ERBB4: variants seen among roughly 807,000 people sequenced by gnomAD.
The protein encoded by ERBB4 is erb-b2 receptor tyrosine kinase 4, also known as receptor tyrosine-protein kinase erbB-4.
Under a neutral mutation model 158.0 loss-of-function variants are expected in ERBB4, and 42 were observed. That is an observed-to-expected ratio of 0.27 (90% CI 0.21 to 0.34). The LOEUF (loss-of-function observed/expected upper bound fraction) is 0.34. ERBB4 is among the 10% of genes least tolerant of loss of function. The pLI is 1.00. For missense variants in ERBB4, 1,333 were observed against 1,624.1 expected (o/e 0.82, Z 3.08); for synonymous variants, 583 against 558.7 (o/e 1.04, Z -0.61).
chr2:211,761,806 T>C (rs2075422051), intron 4 of ERBB4, among the ~76,000 whole-genome samples: 1 of 152,198 alleles, frequency 6.6e-6, no homozygotes, highest in African/African-American at 2.4e-5. Flanking sequence ...CACTTACTTC[T>C]CTAAGTGTTC....
intron 1 of ERBB4, among the ~76,000 whole-genome samples, chr2:212,343,468 T>A (rs776391423): frequency 6.6e-6 from 1 of 152,184 alleles, no homozygotes; most frequent in Non-Finnish European, 1.5e-5. Flanking sequence ...AAGGATGCTA[T>A]AAATCACTAC....
chr2:212,058,372 C>T (rs1233666777), intron 2 of ERBB4, among the ~76,000 whole-genome samples: 3 of 151,860 alleles, frequency 2.0e-5, no homozygotes, highest in Non-Finnish European at 4.4e-5. Flanking sequence ...CAAGGAGGAA[C>T]TCATACCATT....
chr2:212,354,422 AT>A (rs1308133131), intron 1 of ERBB4, among the ~76,000 whole-genome samples: 1 of 152,066 alleles, frequency 6.6e-6, no homozygotes, highest in Non-Finnish European at 1.5e-5. Flanking sequence ...GCAAATGTAA[AT>A]TTCTAGATCT....
intron 20 of ERBB4, among the ~76,000 whole-genome samples, chr2:211,465,379 A>C (rs544491194): frequency 6.6e-6 from 1 of 150,604 alleles, no homozygotes; most frequent in South Asian, 2.1e-4. Flanking sequence ...TTAAGACCTA[A>C]GTTTTGGGAT....
At chr2:212,411,010 A>G (rs1018656321) in intron 1 of ERBB4, among the ~76,000 whole-genome samples, 1 of 150,952 alleles carries the variant, frequency 6.6e-6, no homozygotes, top group Non-Finnish European at 1.5e-5. Context: ...ATTTAGATAA[A>G]TTAAAACATT....
intron 4 of ERBB4, 102 bp from the exon 5 acceptor site, chr2:211,750,806 ATT>A: frequency 1.0e-6 from 1 of 998,936 alleles, no homozygotes; most frequent in South Asian, 1.3e-5. Context: ...CTTTATGAGG[ATT>A]TTTATGTCAT....
chr2:211,414,991 A>T (rs561786045), intron 25 of ERBB4, among the ~76,000 whole-genome samples: 3 of 151,820 alleles, frequency 2.0e-5, no homozygotes, highest in South Asian at 4.2e-4. Flanking sequence ...TATAGTGAGC[A>T]TTCAGTAAGT....
At chr2:211,513,010 T>A (rs73073139) in intron 20 of ERBB4, among the ~76,000 whole-genome samples, 6,043 of 152,166 alleles carry the variant, frequency 0.04, 389 homozygotes, top group African/African-American at 0.14. Flanking sequence ...GACAGTATTC[T>A]GATTTGAGCA....
intron 1 of ERBB4, among the ~76,000 whole-genome samples, chr2:212,287,362 G>A (rs2086030396): frequency 6.6e-6 from 1 of 152,164 alleles, no homozygotes; most frequent in African/African-American, 2.4e-5. Flanking sequence ...TGAGAAGACA[G>A]ACAGAAACCC....
intron 16 of ERBB4, among the ~76,000 whole-genome samples, chr2:211,656,326 A>AG (rs34648289): frequency 0.23 from 34,608 of 152,176 alleles, 4,103 homozygotes; most frequent in African/African-American, 0.26. Context: ...TTACATTAAA[A>AG]GCAAGTATTC....
chr2:212,039,947 T>A (rs948560856), intron 2 of ERBB4, among the ~76,000 whole-genome samples: 3 of 152,050 alleles, frequency 2.0e-5, no homozygotes, highest in Admixed American at 6.6e-5. Flanking sequence ...ATATCCAAAG[T>A]CTTCCACCTC....
At chr2:212,532,319 G>A (rs1692797063) in intron 1 of ERBB4, among the ~76,000 whole-genome samples, 1 of 152,140 alleles carries the variant, frequency 6.6e-6, no homozygotes, top group Non-Finnish European at 1.5e-5. Context: ...GGAAAGTGAG[G>A]GAATGTCAAC....
chr2:212,290,204 G>A (rs764469547), intron 1 of ERBB4, among the ~76,000 whole-genome samples: 43 of 152,086 alleles, frequency 2.8e-4, no homozygotes, highest in Non-Finnish European at 5.6e-4. Context: ...AAAGAGTGGG[G>A]AATAAAACAA....
At chr2:212,513,148 G>T (rs1340493194) in intron 1 of ERBB4, among the ~76,000 whole-genome samples, 3 of 152,114 alleles carry the variant, frequency 2.0e-5, no homozygotes, top group Admixed American at 1.3e-4. Flanking sequence ...AATTTGGAAA[G>T]TATCTATTTT....
intron 2 of ERBB4, among the ~76,000 whole-genome samples, chr2:212,060,957 G>C (rs1391621053): frequency 8.1e-6 from 1 of 123,312 alleles, no homozygotes. Flanking sequence ...CTTAAAGTAT[G>C]ATAATAAATA....
intron 1 of ERBB4, among the ~76,000 whole-genome samples, chr2:212,491,138 T>C (rs1369555470): frequency 6.6e-6 from 1 of 151,620 alleles, no homozygotes; most frequent in Admixed American, 6.6e-5. Flanking sequence ...TGAATGATCA[T>C]AAGTATAAGA....
At chr2:211,578,397 C>T (rs2067958020) in intron 19 of ERBB4, among the ~76,000 whole-genome samples, 1 of 152,104 alleles carries the variant, frequency 6.6e-6, no homozygotes, top group Non-Finnish European at 1.5e-5. Context: ...TTTATAGATT[C>T]AACGTTATTC....
chr2:211,988,827 C>T (rs2082000537), intron 2 of ERBB4, among the ~76,000 whole-genome samples: 1 of 151,942 alleles, frequency 6.6e-6, no homozygotes, highest in Non-Finnish European at 1.5e-5. Flanking sequence ...GTCATTGGAG[C>T]TTAAGTTTTC....
intron 1 of ERBB4, among the ~76,000 whole-genome samples, chr2:212,146,597 A>G (rs1162336038): frequency 6.6e-6 from 1 of 152,152 alleles, no homozygotes; most frequent in Non-Finnish European, 1.5e-5. Flanking sequence ...GAGATTCCAT[A>G]GCAAGGCCAG....
Sources: allele counts gnomAD v4.1 joint callset (sites outside exome capture counted in the v4.1 genomes callset), GRCh38; gene constraint gnomAD v4.1.1; transcripts MANE v1.5; gene names NCBI Gene and HGNC (gene_info 2026-07-23, HGNC 2026-07-21).